Variants in SOX6 observed in about 807,000 individuals in gnomAD.
SOX6 encodes the protein transcription factor SOX-6.
Under a neutral mutation model 97.8 loss-of-function variants are expected in SOX6, and 11 were observed. The observed-to-expected ratio is 0.11, with a 90% CI of 0.07 to 0.19. SOX6 has a LOEUF of 0.19. Among genes scored for constraint, SOX6 ranks in the 10% least tolerant of loss-of-function variants. The pLI, the probability that SOX6 is intolerant of heterozygous loss-of-function variation, is 1.00. For synonymous variants in SOX6, 360 were observed against 371.4 expected, an observed-to-expected ratio of 0.97 and a Z score of 0.35; for missense variants, 810 against 1,039.5, an observed-to-expected ratio of 0.78 and a Z score of 3.04.
At chr11:16,398,565 G>GA (rs548115683) in intron 1 of SOX6, among the ~76,000 whole-genome samples, 1 of 151,028 alleles carries the variant, frequency 6.6e-6, no homozygotes, top group Non-Finnish European at 1.5e-5. Context: ...CTCCATTATA[G>GA]AAAAAAAACT....
At position 16,404,713 on chromosome 11, in the gene SOX6, T is replaced by G. The variant is rs572464268; in HGVS notation, c.-4-63461A>C. Among the ~76,000 whole-genome samples, 3 of 152,090 alleles carry G rather than the reference T, an allele frequency of 2.0e-5. No individual in the cohort carries two copies. In the East Asian group the frequency reaches 5.8e-4, roughly 29 times the overall value. Reference sequence around the variant, plus strand: ...GGTTTAAAAGACACACCCCAAGCCGTTCTGCTCCTTGCTGTGGAATGTTTA... The same window carrying G: ...GGTTTAAAAGACACACCCCAAGCCGGTCTGCTCCTTGCTGTGGAATGTTTA... On this transcript the variant is annotated intron_variant, in intron 1 of 15. Coordinates refer to the SOX6 transcript ENST00000396356.
intron 7 of SOX6, among the ~76,000 whole-genome samples, chr11:16,102,040 C>A (rs572647303): frequency 7.2e-5 from 11 of 151,906 alleles, no homozygotes; most frequent in African/African-American, 2.7e-4. Flanking sequence ...AGCAATGAGA[C>A]AACAGACAGA....
At chr11:16,357,028 A>C (rs754495513), upstream of SOX6, among the ~76,000 whole-genome samples, 2 of 152,154 alleles carry the variant, frequency 1.3e-5, no homozygotes, top group Non-Finnish European at 2.9e-5. Flanking sequence ...TGTCAGAGAC[A>C]GGAAAAGAGG....
At chr11:16,242,181 T>C (rs11023888) in intron 3 of SOX6, among the ~76,000 whole-genome samples, 2 of 152,016 alleles carry the variant, frequency 1.3e-5, no homozygotes, top group South Asian at 4.1e-4. Context: ...CCACATACAA[T>C]GGTAGTCTTG....
chr11:16,321,743 T>C (rs1458681435), intron 2 of SOX6, among the ~76,000 whole-genome samples: 1 of 152,064 alleles, frequency 6.6e-6, no homozygotes, highest in Non-Finnish European at 1.5e-5. Flanking sequence ...CCACAAGAAT[T>C]ACTTGCAATA....
At chr11:16,014,500 G>A (rs1395552657) in intron 13 of SOX6, among the ~76,000 whole-genome samples, 1 of 152,048 alleles carries the variant, frequency 6.6e-6, no homozygotes, top group Non-Finnish European at 1.5e-5. Flanking sequence ...ATTCCACAAT[G>A]TATACATGTA....
At chr11:16,727,576 C>G (rs535565418) in intron 2 of SOX6, among the ~76,000 whole-genome samples, 2 of 151,136 alleles carry the variant, frequency 1.3e-5, no homozygotes, top group African/African-American at 4.9e-5. Flanking sequence ...ATTACAGGCA[C>G]GCGCCACAAC....
chr11:16,433,910 C>G (rs555078457), intron 1 of SOX6, among the ~76,000 whole-genome samples: 1 of 152,080 alleles, frequency 6.6e-6, no homozygotes, highest in Non-Finnish European at 1.5e-5. Context: ...TAACAGCTCT[C>G]AATCATCTAC....
chr11:16,130,352 AC>A (rs1849709849), intron 6 of SOX6, among the ~76,000 whole-genome samples: 1 of 151,980 alleles, frequency 6.6e-6, no homozygotes, highest in Non-Finnish European at 1.5e-5. Context: ...TGTTCTTACC[AC>A]CCAAAAAAGG....
chr11:16,343,565 A>C (rs1286785076), intron 1 of SOX6, among the ~76,000 whole-genome samples: 1 of 151,920 alleles, frequency 6.6e-6, no homozygotes, highest in Non-Finnish European at 1.5e-5. Context: ...GACTAAATCT[A>C]TGAGTTGAGT....
chr11:16,193,173 C>T (rs923395169), intron 4 of SOX6, among the ~76,000 whole-genome samples: 1 of 152,052 alleles, frequency 6.6e-6, no homozygotes, highest in East Asian at 1.9e-4. Flanking sequence ...ACGAGAACAG[C>T]TAAATTAAAT....
chr11:16,317,366 G>A (rs2134299987), intron 3 of SOX6: 1 of 151,832 alleles, frequency 6.6e-6, no homozygotes, highest in Admixed American at 6.6e-5. Context: ...TCCTCAAAAT[G>A]TTTAAGTTGC....
At chr11:16,547,042 C>T (rs7945295) in intron 4 of SOX6, among the ~76,000 whole-genome samples, 37,482 of 151,958 alleles carry the variant, frequency 0.25, 5,118 homozygotes, top group East Asian at 0.48. Context: ...CAAGGAAATG[C>T]AAATCAAAAC....
At chr11:16,415,477 A>G (rs1294650810) in intron 1 of SOX6, among the ~76,000 whole-genome samples, 1 of 152,146 alleles carries the variant, frequency 6.6e-6, no homozygotes, top group African/African-American at 2.4e-5. Flanking sequence ...ACTACATAGG[A>G]GAATCTAGTT....
At chr11:16,431,099 T>C (rs1859264116) in intron 1 of SOX6, among the ~76,000 whole-genome samples, 1 of 152,096 alleles carries the variant, frequency 6.6e-6, no homozygotes, top group Admixed American at 6.6e-5. Flanking sequence ...ATCTGCTTGG[T>C]TTGCTTCTCC....
intron 6 of SOX6, among the ~76,000 whole-genome samples, chr11:16,169,599 C>T (rs980031795): frequency 2.6e-5 from 4 of 151,914 alleles, no homozygotes; most frequent in African/African-American, 4.8e-5. Context: ...GAAATTGAAA[C>T]AAACTAAGAG....
At chr11:16,053,555 T>A (rs1208811204) in intron 10 of SOX6, among the ~76,000 whole-genome samples, 3 of 152,100 alleles carry the variant, frequency 2.0e-5, no homozygotes, top group Non-Finnish European at 4.4e-5. Flanking sequence ...TAACTCCAGT[T>A]TTTTTCAGAG....
chr11:16,132,298 G>A (rs184217123), intron 6 of SOX6, among the ~76,000 whole-genome samples: 44 of 101,676 alleles, frequency 4.3e-4, no homozygotes, highest in East Asian at 1.3e-3. Context: ...AAGGAAGGAA[G>A]GAAGGAAGGA....
intron 1 of SOX6, among the ~76,000 whole-genome samples, chr11:16,430,192 C>T (rs1036698269): frequency 3.9e-5 from 6 of 152,122 alleles, no homozygotes; most frequent in African/African-American, 1.4e-4. Flanking sequence ...TACCCCGACC[C>T]CAGCCCTTTT....
Sources: allele counts gnomAD v4.1 joint callset (sites outside exome capture counted in the v4.1 genomes callset), GRCh38; gene constraint gnomAD v4.1.1; transcripts MANE v1.5; gene names NCBI Gene and HGNC (gene_info 2026-07-23, HGNC 2026-07-21).